Variants in PPM1L observed in about 807,000 individuals in gnomAD.
PPM1L encodes the protein protein phosphatase, Mg2+/Mn2+ dependent 1L.
Under a neutral mutation model 31.4 loss-of-function variants are expected in PPM1L, and 13 were observed. The observed-to-expected ratio is 0.41, with a 90% CI of 0.27 to 0.66. PPM1L has a LOEUF of 0.66. Among genes scored for constraint, PPM1L ranks in the 30% least tolerant of loss-of-function variants. The pLI, the probability that PPM1L is intolerant of heterozygous loss-of-function variation, is 0.29. For synonymous variants in PPM1L, 184 were observed against 175.4 expected, an observed-to-expected ratio of 1.05 and a Z score of -0.39; for missense variants, 326 against 453.7, an observed-to-expected ratio of 0.72 and a Z score of 2.56.
chr3:160,784,243 A>G (rs985923938), intron 1 of PPM1L, among the ~76,000 whole-genome samples: 2 of 152,222 alleles, frequency 1.3e-5, no homozygotes, highest in Admixed American at 6.5e-5. Flanking sequence ...ATATGTGTAT[A>G]TATTTAAACC....
At chr3:160,837,709 G>C (rs1296156273) in intron 1 of PPM1L, among the ~76,000 whole-genome samples, 1 of 152,172 alleles carries the variant, frequency 6.6e-6, no homozygotes, top group African/African-American at 2.4e-5. Flanking sequence ...CAAGCCTCGG[G>C]TGGGACCCTT....
At chr3:161,015,212 C>A (rs1435674610) in intron 2 of PPM1L, among the ~76,000 whole-genome samples, 1 of 152,142 alleles carries the variant, frequency 6.6e-6, no homozygotes, top group Non-Finnish European at 1.5e-5. Context: ...CGCTATCCTT[C>A]CTTCCCCTAA....
intron 1 of PPM1L, among the ~76,000 whole-genome samples, chr3:160,801,157 A>C (rs1439566399): frequency 1.3e-5 from 2 of 151,234 alleles, no homozygotes; most frequent in Non-Finnish European, 2.9e-5. Context: ...ACACACACAC[A>C]CACACACACG....
intron 2 of PPM1L, among the ~76,000 whole-genome samples, chr3:161,008,636 G>A (rs1253272074): frequency 6.6e-6 from 1 of 152,194 alleles, no homozygotes; most frequent in East Asian, 1.9e-4. Context: ...TAGGTACATT[G>A]TGAAGGCTGG....
intron 1 of PPM1L, among the ~76,000 whole-genome samples, chr3:160,960,103 A>G (rs1214174583): frequency 6.6e-6 from 1 of 151,862 alleles, no homozygotes; most frequent in Non-Finnish European, 1.5e-5. Flanking sequence ...AGAGGATACT[A>G]CTCTATAAAT....
rs1438359558 is a variant in PPM1L, at chr3:160,756,660, A to C, written c.352A>C (p.Lys118Gln). ...CGAAGTTCTCACGGATCTGGCCAAC[A>C]AGACGCACCCGTCCATCTTCGGGAT... ...RFEVLTDLAN[K>Q]THPSIFGIFD... The change falls in exon 1 of 4, where the codon AAG (lysine) becomes CAG (glutamine). Residue 118 changes from lysine (K) to glutamine (Q), a missense_variant. Lys to Gln is a moderately conservative substitution (Grantham distance 53). Transcript: ENST00000498165. This position sits in a 1 kb window ranked among gnomAD's most constrained non-coding sequence, Gnocchi z 6.2. The C allele has an allele frequency of 4.3e-6, 7 of 1,614,022 alleles. No homozygotes were observed. The highest frequency in any genetic ancestry group is 4.2e-6 in the Non-Finnish European group (5 of 1,180,014).
At chr3:161,033,635 C>CTG (rs1718648724) in intron 2 of PPM1L, among the ~76,000 whole-genome samples, 1 of 152,126 alleles carries the variant, frequency 6.6e-6, no homozygotes, top group South Asian at 2.1e-4. Flanking sequence ...AACTGGCTAG[C>CTG]TATATGTAGA....
chr3:161,005,978 A>C (rs960997359), intron 2 of PPM1L, among the ~76,000 whole-genome samples: 1 of 151,008 alleles, frequency 6.6e-6, no homozygotes. Context: ...CATTAAAAAA[A>C]CATAAAAAAA....
At chr3:160,923,811 T>C (rs971382723) in intron 1 of PPM1L, among the ~76,000 whole-genome samples, 2 of 152,164 alleles carry the variant, frequency 1.3e-5, no homozygotes, top group Admixed American at 1.3e-4. Flanking sequence ...CATGTGGCGG[T>C]GCATTTGAAG....
intron 1 of PPM1L, among the ~76,000 whole-genome samples, chr3:160,934,946 G>T (rs769002034): frequency 3.3e-5 from 5 of 151,306 alleles, no homozygotes; most frequent in Non-Finnish European, 7.4e-5. Context: ...GTGACACTCT[G>T]TCTCAAAAAA....
chr3:161,072,421 G>A lies in PPM1L; in HGVS notation c.*3264G>A, dbSNP rs1719955475. The A allele has an allele frequency of 6.6e-6, 1 of 152,228 alleles. No homozygotes were observed. Among genetic ancestry groups the A allele is most frequent in the South Asian group, 2.1e-4 (1 of 4,832 alleles). The allele number at this position is 152,228 out of a possible 1,614,324, so 9.4% of individuals were successfully genotyped here. On this transcript the variant is annotated 3_prime_UTR_variant, in exon 4 of 4. Transcript: ENST00000498165. ...AGAATATTATACAGAGAGTGTTATAGTGAAGGATGTAAGCTGGATAATTTA... is the reference window on the plus strand; with the variant it reads ...AGAATATTATACAGAGAGTGTTATAATGAAGGATGTAAGCTGGATAATTTA...
intron 2 of PPM1L, among the ~76,000 whole-genome samples, chr3:161,026,023 CT>C (rs1344427768): frequency 2.0e-4 from 31 of 151,922 alleles, no homozygotes; most frequent in Admixed American, 2.0e-3. Context: ...ATAAAAAAAT[CT>C]TTTTAAAAGA....
intron 1 of PPM1L, among the ~76,000 whole-genome samples, chr3:160,849,089 G>T (rs1345262831): frequency 6.6e-6 from 1 of 152,122 alleles, no homozygotes; most frequent in Non-Finnish European, 1.5e-5. Context: ...AGTAATCCAG[G>T]ACTTGTCAGT....
chr3:161,041,275 G>T (rs2108089239), intron 2 of PPM1L, among the ~76,000 whole-genome samples: 1 of 152,258 alleles, frequency 6.6e-6, no homozygotes, highest in East Asian at 1.9e-4. Context: ...GAGTTGTCCT[G>T]CCTTTCTGGA....
chr3:160,780,445 T>C (rs1039732929), intron 1 of PPM1L, among the ~76,000 whole-genome samples: 1 of 152,184 alleles, frequency 6.6e-6, no homozygotes, highest in Non-Finnish European at 1.5e-5. Flanking sequence ...AAAGGCTCCA[T>C]TGGATCCTTA....
At chr3:161,006,325 T>G (rs970396161) in intron 2 of PPM1L, among the ~76,000 whole-genome samples, 3 of 152,170 alleles carry the variant, frequency 2.0e-5, no homozygotes, top group African/African-American at 7.2e-5. Flanking sequence ...AACAGAAAGT[T>G]AAATGATGGG....
intron 1 of PPM1L, among the ~76,000 whole-genome samples, chr3:160,800,350 T>A (rs530330546): frequency 6.6e-6 from 1 of 152,338 alleles, no homozygotes; most frequent in East Asian, 1.9e-4. Flanking sequence ...GTTCTACTTA[T>A]ATCAATTCTT....
chr3:160,812,793 C>G (rs1458705798), intron 1 of PPM1L, among the ~76,000 whole-genome samples: 1 of 152,138 alleles, frequency 6.6e-6, no homozygotes, highest in African/African-American at 2.4e-5. Flanking sequence ...TTTCTAACAC[C>G]GTGATTACAG....
At chr3:160,958,760 T>C (rs1274607107) in intron 1 of PPM1L, among the ~76,000 whole-genome samples, 2 of 152,336 alleles carry the variant, frequency 1.3e-5, no homozygotes, top group East Asian at 3.9e-4. Context: ...AATATAAATC[T>C]GGAACTAAAA....
Sources: gnomAD v4.1 joint callset for allele counts (sites outside exome capture counted in the v4.1 genomes callset) on GRCh38, gnomAD v4.1.1 for gene constraint, Gnocchi (gnomAD v3.1) non-coding constraint, MANE v1.5 for transcripts, NCBI Gene and HGNC (gene_info 2026-07-23, HGNC 2026-07-21) for gene names.